The following SIL1 variants were observed in gnomAD, a reference collection of about 807,000 sequenced individuals.
SIL1 encodes the protein nucleotide exchange factor SIL1.
A neutral mutation model predicts 49.1 loss-of-function variants in SIL1; 40 were observed. The observed-to-expected ratio is 0.81, with a 90% CI of 0.63 to 1.06. The LOEUF (loss-of-function observed/expected upper bound fraction) is 1.06, where lower values mean the gene tolerates loss of function less well. Ranked by LOEUF, SIL1 falls within the 50% of genes least tolerant of loss-of-function variation. The pLI is 0.00. For missense variants in SIL1, 500 were observed against 572.6 expected, an observed-to-expected ratio of 0.87 and a Z score of 1.29; for synonymous variants, 253 against 250.8, an observed-to-expected ratio of 1.01 and a Z score of -0.08.
At chr5:139,134,958 C>A (rs1750942331) in intron 1 of SIL1, among the ~76,000 whole-genome samples, 1 of 152,098 alleles carries the variant, frequency 6.6e-6, no homozygotes. Flanking sequence ...GCTGGAGAAA[C>A]AACGCAAAGA....
intron 1 of SIL1, among the ~76,000 whole-genome samples, chr5:139,140,103 C>T (rs1332401762): frequency 6.6e-6 from 1 of 152,080 alleles, no homozygotes. Context: ...AACCCCGTCT[C>T]TACTAAAAAT....
At chr5:139,176,045 G>C (rs1048266991) in intron 1 of SIL1, among the ~76,000 whole-genome samples, 16 of 152,032 alleles carry the variant, frequency 1.1e-4, no homozygotes, top group Admixed American at 6.6e-5. Context: ...GCCCAGGCTA[G>C]AGTGCAGTGC....
intron 7 of SIL1, among the ~76,000 whole-genome samples, chr5:138,978,228 C>A (rs1289790635): frequency 6.6e-6 from 1 of 151,588 alleles, no homozygotes; most frequent in African/African-American, 2.4e-5. Context: ...CCCCAACCCC[C>A]ACTCCCTCAG....
chr5:139,106,535 A>G (rs1439113519), intron 3 of SIL1, among the ~76,000 whole-genome samples: 2 of 152,228 alleles, frequency 1.3e-5, no homozygotes, highest in Non-Finnish European at 2.9e-5. Flanking sequence ...TTAAAATACA[A>G]AGAATGTTTT....
At chr5:139,150,121 G>A (rs1751268297) in intron 1 of SIL1, among the ~76,000 whole-genome samples, 1 of 152,216 alleles carries the variant, frequency 6.6e-6, no homozygotes, top group Non-Finnish European at 1.5e-5. Flanking sequence ...GAAGGAGCCA[G>A]TAAACAGAAT....
At chr5:139,166,912 C>T (rs1001434330) in intron 1 of SIL1, among the ~76,000 whole-genome samples, 14 of 152,112 alleles carry the variant, frequency 9.2e-5, no homozygotes, top group Non-Finnish European at 1.9e-4. Flanking sequence ...AAGTGCATAC[C>T]ATTCTCCTGC....
Position 139,042,679 on chromosome 5 carries a change from T to G in SIL1, c.394A>C (p.Lys132Gln), listed in dbSNP as rs61745568. 4.5e-3 allele frequency: 7,169 copies of G among 1,609,628 alleles called. 243 individuals carry two copies. The African/African-American group carries it at 0.079, about 18-fold the overall frequency. The change falls in exon 5 of 10, where the codon AAG becomes CAG. Residue 132 changes from lysine to glutamine, a missense_variant. Coordinates refer to ENST00000394817, the MANE Select transcript of SIL1 (RefSeq NM_022464.5). The stretch of plus-strand genomic sequence containing the variant: ...TCCTTGAATTTTGCCAGTGCACTCT[T>G]GAGATCCTGAGATGTGTAGGTGTTG... ...NTNTYTSQDL[K>Q]SALAKFKEGA... is the part of the protein sequence containing the mutation.
intron 7 of SIL1, among the ~76,000 whole-genome samples, chr5:138,961,792 C>T (rs1262390548): frequency 6.6e-6 from 1 of 152,104 alleles, no homozygotes. Flanking sequence ...ATTTTTCAAA[C>T]TCTAAGTCAT....
intron 7 of SIL1, among the ~76,000 whole-genome samples, chr5:138,958,291 G>A (rs778496250): frequency 3.9e-5 from 6 of 152,144 alleles, no homozygotes; most frequent in African/African-American, 1.4e-4. Flanking sequence ...GCTTTGGCAG[G>A]AATACACAAA....
intron 7 of SIL1, among the ~76,000 whole-genome samples, chr5:138,986,293 C>G (rs967769019): frequency 1.3e-5 from 2 of 152,212 alleles, no homozygotes; most frequent in Non-Finnish European, 2.9e-5. Flanking sequence ...GCTGCCCTTC[C>G]CCTGCTTCCC....
chr5:139,132,955 C>T (rs1169920241), intron 1 of SIL1, among the ~76,000 whole-genome samples: 1 of 152,158 alleles, frequency 6.6e-6, no homozygotes, highest in Non-Finnish European at 1.5e-5. Flanking sequence ...TCATGGCATC[C>T]CATTGAGGCA....
chr5:139,047,169 A>C (rs1342661618), intron 4 of SIL1, among the ~76,000 whole-genome samples: 1 of 152,232 alleles, frequency 6.6e-6, no homozygotes, highest in Non-Finnish European at 1.5e-5. Flanking sequence ...CAGTCCTCCA[A>C]ACCTAGGAGG....
At chr5:139,099,711 G>C (rs915350570) in intron 3 of SIL1, among the ~76,000 whole-genome samples, 1 of 152,028 alleles carries the variant, frequency 6.6e-6, no homozygotes, top group Non-Finnish European at 1.5e-5. Flanking sequence ...ACTTATTTGT[G>C]GGATCTAAAA....
rs570046304 is a variant in SIL1, at chr5:138,956,219, A to T, written c.768-4335T>A. Among the ~76,000 whole-genome samples the T allele has an allele frequency of 1.2e-3, 177 of 152,314 alleles. 2 individuals carry two copies. The highest frequency in any genetic ancestry group is 4.2e-3 in the Admixed American group (65 of 15,304). ...AGGGCAGAGGGCACATCTCAGGGGT[A>T]TATGGGGCCAGGCTCAATCATTCAC... On this transcript the variant is annotated intron_variant, in intron 7 of 9. Coordinates refer to ENST00000394817, the MANE Select transcript of SIL1 (RefSeq NM_022464.5).
intron 3 of SIL1, among the ~76,000 whole-genome samples, chr5:139,114,560 G>T (rs17131938): frequency 1.3e-5 from 2 of 152,160 alleles, no homozygotes; most frequent in African/African-American, 2.4e-5. Flanking sequence ...GAGATGCTCA[G>T]AGTCGAGAAT....
chr5:139,170,070 T>C (rs1751716412), intron 1 of SIL1, among the ~76,000 whole-genome samples: 1 of 152,222 alleles, frequency 6.6e-6, no homozygotes, highest in African/African-American at 2.4e-5. Context: ...GGTTTCGCTG[T>C]GTTGGCCGGG....
intron 3 of SIL1, among the ~76,000 whole-genome samples, chr5:139,095,265 C>CA (rs1770431128): frequency 1.5e-5 from 2 of 131,828 alleles, no homozygotes; most frequent in African/African-American, 5.8e-5. Flanking sequence ...TATTGGAATT[C>CA]TTTTTTTTTT....
At chr5:139,023,092 A>G (rs1768565218) in intron 6 of SIL1, among the ~76,000 whole-genome samples, 1 of 152,220 alleles carries the variant, frequency 6.6e-6, no homozygotes, top group Non-Finnish European at 1.5e-5. Context: ...TATTACTACA[A>G]TGATAATTCA....
chr5:138,978,651 C>CT (rs1200436524), intron 7 of SIL1, among the ~76,000 whole-genome samples: 1 of 152,180 alleles, frequency 6.6e-6, no homozygotes, highest in Non-Finnish European at 1.5e-5. Flanking sequence ...TACATTTCCA[C>CT]TAGCAGTATA....
Sources: gnomAD v4.1 joint callset for allele counts (sites outside exome capture counted in the v4.1 genomes callset) on GRCh38, gnomAD v4.1.1 for gene constraint, MANE v1.5 for transcripts, NCBI Gene and HGNC (gene_info 2026-07-23, HGNC 2026-07-21) for gene names.